CSMD3: variants seen among roughly 807,000 people sequenced by gnomAD.
CSMD3 encodes CUB and sushi domain-containing protein 3.
In CSMD3, 177 loss-of-function variants were observed where a neutral mutation model predicts 435.2. That is an observed-to-expected ratio of 0.41 (90% CI 0.36 to 0.46). The LOEUF (loss-of-function observed/expected upper bound fraction) is 0.46, where lower values mean the gene tolerates loss of function less well. Ranked by LOEUF, CSMD3 falls within the 20% of genes least tolerant of loss-of-function variation. CSMD3 has a pLI of 0.34. For missense variants in CSMD3, 4,265 were observed against 4,504.6 expected (o/e 0.95, Z 1.52); for synonymous variants, 1,656 against 1,520.5 (o/e 1.09, Z -2.07).
chr8:112,838,483 T>G (rs1002414310), intron 11 of CSMD3, among the ~76,000 whole-genome samples: 6 of 151,764 alleles, frequency 4.0e-5, no homozygotes, highest in Non-Finnish European at 7.4e-5. Context: ...GACCTAAACT[T>G]GGACTGTGGA....
At chr8:112,755,608 A>G (rs1479583125) in intron 13 of CSMD3, among the ~76,000 whole-genome samples, 1 of 150,478 alleles carries the variant, frequency 6.6e-6, no homozygotes, top group Admixed American at 6.6e-5. Context: ...AGTCTCAGGT[A>G]TGTCTTTATA....
At chr8:112,251,953 C>G (rs1259486013) in intron 63 of CSMD3, among the ~76,000 whole-genome samples, 1 of 151,750 alleles carries the variant, frequency 6.6e-6, no homozygotes, top group Non-Finnish European at 1.5e-5. Flanking sequence ...ATGTTGAATA[C>G]TTTTTTCAAT....
At chr8:112,362,809 C>A (rs950057355) in intron 38 of CSMD3, among the ~76,000 whole-genome samples, 1 of 151,944 alleles carries the variant, frequency 6.6e-6, no homozygotes, top group African/African-American at 2.4e-5. Context: ...TTTACCAATT[C>A]ATTATCCTGA....
intron 3 of CSMD3, among the ~76,000 whole-genome samples, chr8:113,223,334 T>C (rs2132141488): frequency 6.6e-6 from 1 of 150,588 alleles, no homozygotes; most frequent in African/African-American, 2.4e-5. Context: ...TATAAAATAA[T>C]ATGTCACCAA....
chr8:112,255,467 T>C (rs1815692229), intron 61 of CSMD3, 40 bp from the exon 62 acceptor site: 1 of 1,584,904 alleles, frequency 6.3e-7, no homozygotes, highest in Non-Finnish European at 8.7e-7. Flanking sequence ...AAAGATTTAG[T>C]ATACAGCAGA....
At chr8:113,216,101 G>C (rs1217745920) in intron 3 of CSMD3, among the ~76,000 whole-genome samples, 1 of 151,616 alleles carries the variant, frequency 6.6e-6, no homozygotes, top group African/African-American at 2.4e-5. Flanking sequence ...CCAACACACA[G>C]AGAAAAGCAA....
Position 112,247,021 on chromosome 8 carries a change from T to C in CSMD3, c.10221A>G (p.Ile3407Met). ...TTATTTCTTATCCATAATACTTACG[T>C]ATGCATTCAGGCTGAATCCCACTCC... The part of the protein sequence containing the change: ...LTWSGIQPEC[I>M]PHSCKQPETP... The change falls in exon 64 of 71, where the codon ATA (isoleucine) becomes ATG (methionine). Residue 3407 changes from isoleucine to methionine, a missense_variant and splice_region_variant. Ile to Met is a conservative substitution (Grantham distance 10). Transcript: ENST00000297405. 1.3e-6 allele frequency: 2 copies of C among 1,598,732 alleles called. No homozygotes were observed. Among genetic ancestry groups the C allele is most frequent in the Non-Finnish European group, 1.7e-6 (2 of 1,166,012 alleles).
intron 13 of CSMD3, among the ~76,000 whole-genome samples, chr8:112,741,814 T>TAGATAGATAGAC (rs1487698694): frequency 1.3e-5 from 2 of 151,664 alleles, no homozygotes; most frequent in Non-Finnish European, 2.9e-5. Flanking sequence ...GATAGATAGA[T>TAGATAGATAGAC]AGATAGATAG....
chr8:112,551,925 T>C (rs1041882540), intron 26 of CSMD3, among the ~76,000 whole-genome samples: 1 of 152,130 alleles, frequency 6.6e-6, no homozygotes, highest in Non-Finnish European at 1.5e-5. Flanking sequence ...CAAAGCTGCA[T>C]AGTAAGGCTG....
intron 13 of CSMD3, among the ~76,000 whole-genome samples, chr8:112,774,288 T>G (rs2078193566): frequency 6.6e-6 from 1 of 152,012 alleles, no homozygotes. Context: ...TCAAAATTTA[T>G]ATTTCAGATA....
intron 3 of CSMD3, among the ~76,000 whole-genome samples, chr8:113,246,024 C>A (rs184003943): frequency 6.6e-6 from 1 of 151,942 alleles, no homozygotes; most frequent in Non-Finnish European, 1.5e-5. Context: ...TCTTTTACTG[C>A]TTTCAAGTTT....
chr8:113,224,018 G>A (rs186577199), intron 3 of CSMD3, among the ~76,000 whole-genome samples: 11 of 151,106 alleles, frequency 7.3e-5, no homozygotes, highest in South Asian at 2.1e-4. Context: ...CTAATCTTCA[G>A]TTAAGACAAA....
chr8:112,447,037 A>C (rs1275029012), intron 32 of CSMD3, among the ~76,000 whole-genome samples: 2 of 152,192 alleles, frequency 1.3e-5, no homozygotes, highest in Non-Finnish European at 2.9e-5. Context: ...AATTATTTTA[A>C]AGAGTGTAAT....
chr8:113,433,912 A>T (rs1185346957), intron 1 of CSMD3, among the ~76,000 whole-genome samples: 2 of 152,080 alleles, frequency 1.3e-5, no homozygotes, highest in African/African-American at 4.8e-5. Flanking sequence ...AGGGGAGTTC[A>T]GTTTGAAATA....
intron 17 of CSMD3, among the ~76,000 whole-genome samples, chr8:112,659,569 G>A (rs1049759692): frequency 1.9e-4 from 29 of 152,148 alleles, no homozygotes; most frequent in African/African-American, 7.0e-4. Flanking sequence ...TCAGGGAGCT[G>A]AGGATAGGAA....
chr8:112,523,117 T>G (rs1169436429), intron 27 of CSMD3, among the ~76,000 whole-genome samples: 3 of 151,938 alleles, frequency 2.0e-5, no homozygotes, highest in Non-Finnish European at 2.9e-5. Context: ...TGGTATAAAC[T>G]TGTTTATTTC....
At chr8:112,458,547 A>C (rs2130657480) in intron 32 of CSMD3, among the ~76,000 whole-genome samples, 1 of 152,212 alleles carries the variant, frequency 6.6e-6, no homozygotes, top group South Asian at 2.1e-4. Flanking sequence ...TGTGACTATA[A>C]TTTTTAAAGT....
At chr8:112,789,005 A>T (rs1001869619) in intron 13 of CSMD3, among the ~76,000 whole-genome samples, 2 of 152,158 alleles carry the variant, frequency 1.3e-5, no homozygotes, top group Non-Finnish European at 1.5e-5. Flanking sequence ...AAATTCCCAC[A>T]CAAAATATCA....
chr8:113,407,188 T>C (rs1476356045), intron 1 of CSMD3, among the ~76,000 whole-genome samples: 1 of 152,188 alleles, frequency 6.6e-6, no homozygotes, highest in Admixed American at 6.6e-5. Context: ...TAATGTTTTA[T>C]ATAAATAAAC....
Sources: gnomAD v4.1 joint callset for allele counts (sites outside exome capture counted in the v4.1 genomes callset) on GRCh38, gnomAD v4.1.1 for gene constraint, MANE v1.5 for transcripts, NCBI Gene and HGNC (gene_info 2026-07-23, HGNC 2026-07-21) for gene names.